FRAS1: variants seen among roughly 807,000 people sequenced by gnomAD.
FRAS1 encodes Fraser extracellular matrix complex subunit 1.
A neutral mutation model predicts 435.2 loss-of-function variants in FRAS1; 290 were observed. That is an observed-to-expected ratio of 0.67 (90% CI 0.61 to 0.73). The LOEUF is 0.73. FRAS1 is among the 30% of genes least tolerant of loss of function. The pLI is 0.00. For synonymous variants in FRAS1, 1,800 were observed against 1,851.0 expected (o/e 0.97, Z 0.71); for missense variants, 4,860 against 5,001.5 (o/e 0.97, Z 0.85).
At chr4:78,434,391 C>T (rs796580315) in intron 38 of FRAS1, among the ~76,000 whole-genome samples, 1 of 152,268 alleles carries the variant, frequency 6.6e-6, no homozygotes, top group African/African-American at 2.4e-5. Context: ...CCAAGCTCAC[C>T]ACTTACTAGC....
intron 70 of FRAS1, among the ~76,000 whole-genome samples, chr4:78,529,208 C>G (rs1721637058): frequency 6.6e-6 from 1 of 151,976 alleles, no homozygotes; most frequent in Non-Finnish European, 1.5e-5. Flanking sequence ...CAGGAAGCAC[C>G]ATAGTTAGCC....
intron 9 of FRAS1, among the ~76,000 whole-genome samples, chr4:78,277,008 G>A (rs531986045): frequency 3.0e-4 from 45 of 152,236 alleles, no homozygotes; most frequent in African/African-American, 1.1e-3. Flanking sequence ...TCAAGCCTCA[G>A]CAATGGCATG....
chr4:78,156,140 A>T (rs1385660274), intron 2 of FRAS1, among the ~76,000 whole-genome samples: 2 of 152,128 alleles, frequency 1.3e-5, no homozygotes, highest in African/African-American at 2.4e-5. Flanking sequence ...TTGTCCACTG[A>T]CAGTATTCAA....
chr4:78,323,749 C>T (rs1729601023), intron 18 of FRAS1, among the ~76,000 whole-genome samples: 1 of 152,200 alleles, frequency 6.6e-6, no homozygotes, highest in Non-Finnish European at 1.5e-5. Context: ...AACTGTATGT[C>T]TCCTGGAGGC....
At chr4:78,278,522 C>T (rs150052219) in intron 9 of FRAS1, 133 bp from the exon 10 acceptor site, 6 of 622,890 alleles carry the variant, frequency 9.6e-6, no homozygotes, top group East Asian at 2.8e-5. Context: ...GGAGATGAAA[C>T]AGGCAGAGGG....
rs1722043776 is a variant in FRAS1, at chr4:78,541,307, CCA to C, written c.*184_*185del. On this transcript the variant is annotated 3_prime_UTR_variant, in exon 74 of 74. Transcript: ENST00000512123. ...ATTCAGCAAAGAACCACTGAGAACC[CCA>C]GAGTATTACAGTTATTTCCGTAGAT... 4.8e-6 allele frequency: 2 copies of C among 412,612 alleles called. No homozygotes were observed. Among genetic ancestry groups the C allele is most frequent in the East Asian group, 6.9e-5 (2 of 29,056 alleles). The allele number at this position is 412,612 out of a possible 1,614,324, so 25.6% of individuals were successfully genotyped here.
At chr4:78,276,183 T>C (rs182754214) in intron 9 of FRAS1, among the ~76,000 whole-genome samples, 31 of 152,352 alleles carry the variant, frequency 2.0e-4, no homozygotes, top group African/African-American at 7.2e-4. Context: ...TTTAAGGACT[T>C]CTCTACACTG....
chr4:78,481,810 T>G lies in FRAS1; in HGVS notation c.8450T>G (p.Val2817Gly). ...TCTATGAATCTTAATTCAGGCACAG[T>G]AAAGATTCCAGTTATCCGCCATGGT... ...AFTVSEDAGT[V>G]KIPVIRHGTD... The change falls in exon 57 of 74, where the codon GTA (valine) becomes GGA (glycine). Residue 2817 changes from valine (V) to glycine (G), a missense_variant. Physicochemically the swap from Val to Gly is moderately radical, Grantham distance 109 (BLOSUM62 -3). Coordinates refer to ENST00000512123, the MANE Select transcript of FRAS1 (RefSeq NM_025074.7). The G allele has an allele frequency of 6.2e-7, 1 of 1,613,918 alleles. No homozygotes were observed. Among genetic ancestry groups the G allele is most frequent in the East Asian group, 2.2e-5 (1 of 44,884 alleles).
intron 2 of FRAS1, among the ~76,000 whole-genome samples, chr4:78,167,372 TG>T (rs1279561630): frequency 1.3e-5 from 2 of 151,400 alleles, no homozygotes; most frequent in African/African-American, 4.8e-5. Context: ...ATTCTTGAGA[TG>T]AAGGTTAAAT....
chr4:78,527,277 G>A (rs145216118), intron 70 of FRAS1, among the ~76,000 whole-genome samples: 13 of 152,056 alleles, frequency 8.5e-5, no homozygotes, highest in Non-Finnish European at 1.5e-4. Flanking sequence ...CCATACATGA[G>A]CCCATATTCA....
chr4:78,234,515 G>A (rs1042538914), intron 2 of FRAS1, among the ~76,000 whole-genome samples: 39 of 152,198 alleles, frequency 2.6e-4, no homozygotes, highest in African/African-American at 9.4e-4. Flanking sequence ...GTGAGCTGCC[G>A]CACCTGGCCT....
In FRAS1 at chr4:78,307,626, C is replaced by T. The variant is rs532749242; in HGVS notation, c.1535-440C>T. On this transcript the variant is annotated intron_variant, in intron 14 of 73. Coordinates refer to ENST00000512123, the MANE Select transcript of FRAS1 (RefSeq NM_025074.7). ...GGGAGTGACCCGATTTTCCAGGTGC[C>T]GTCTGTCACCCCTGTCTTTCACTAG... Among the ~76,000 whole-genome samples the T allele has an allele frequency of 1.1e-4, 16 of 152,334 alleles. No individual in the cohort carries two copies. The South Asian group carries it at 1.4e-3, about 14-fold the overall frequency.
At chr4:78,163,247 T>A (rs575420691) in intron 2 of FRAS1, among the ~76,000 whole-genome samples, 4 of 152,354 alleles carry the variant, frequency 2.6e-5, no homozygotes, top group African/African-American at 9.6e-5. Flanking sequence ...CACCTTTTTA[T>A]GAGTAAATTT....
At position 78,125,597 on chromosome 4, in the gene FRAS1, C is replaced by A. The variant is rs1440535206; in HGVS notation, c.108+59581C>A. ...TTTTTTGTTGATGTTGATGCTATAC[C>A]TTTCTGTTTGTTAGTTTTCCTTCTG... On this transcript the variant is annotated intron_variant, in intron 2 of 73. Coordinates refer to ENST00000512123, the MANE Select transcript of FRAS1 (RefSeq NM_025074.7). Among the ~76,000 whole-genome samples the A allele has an allele frequency of 7.2e-5, 11 of 152,090 alleles. No homozygotes were observed. In the East Asian group the frequency reaches 1.9e-3, roughly 27 times the overall value.
intron 4 of FRAS1, among the ~76,000 whole-genome samples, chr4:78,248,352 A>G (rs984868821): frequency 1.3e-5 from 2 of 152,144 alleles, no homozygotes; most frequent in African/African-American, 4.8e-5. Context: ...TGCTTTCCCC[A>G]CAAATTACTT....
intron 17 of FRAS1, among the ~76,000 whole-genome samples, chr4:78,318,438 A>G (rs917278629): frequency 5.9e-5 from 9 of 152,196 alleles, no homozygotes; most frequent in African/African-American, 1.9e-4. Flanking sequence ...TGGCCTCCCT[A>G]TGAATGGTTC....
chr4:78,452,011 G>GA, intron 46 of FRAS1, 120 bp downstream of exon 46: 5 of 1,275,172 alleles, frequency 3.9e-6, no homozygotes, highest in Non-Finnish European at 2.2e-6. Flanking sequence ...TGTGGAAACT[G>GA]AAAATCATAC....
chr4:78,490,086 G>A (rs1351027068), intron 59 of FRAS1, among the ~76,000 whole-genome samples: 5 of 151,736 alleles, frequency 3.3e-5, no homozygotes, highest in African/African-American at 1.2e-4. Context: ...ATGGTAAAGG[G>A]ATCAATGCAA....
At chr4:78,302,615 G>C (rs1195025537) in intron 14 of FRAS1, among the ~76,000 whole-genome samples, 1 of 152,024 alleles carries the variant, frequency 6.6e-6, no homozygotes, top group Non-Finnish European at 1.5e-5. Flanking sequence ...GTGATGATGA[G>C]CATTTTTTCA....
Sources: gnomAD v4.1 joint callset for allele counts (sites outside exome capture counted in the v4.1 genomes callset) on GRCh38, gnomAD v4.1.1 for gene constraint, MANE v1.5 for transcripts, NCBI Gene and HGNC (gene_info 2026-07-23, HGNC 2026-07-21) for gene names.